KMT2C: variants seen among roughly 807,000 people sequenced by gnomAD.
KMT2C encodes the protein lysine methyltransferase 2C, also known as histone-lysine N-methyltransferase 2C.
In KMT2C, 88 loss-of-function variants were observed where a neutral mutation model predicts 507.9. That is an observed-to-expected ratio of 0.17 (90% CI 0.15 to 0.21). The LOEUF is 0.21. KMT2C is among the 10% of genes least tolerant of loss of function. The pLI is 1.00. For synonymous variants in KMT2C, 2,049 were observed against 2,080.8 expected, an observed-to-expected ratio of 0.98 and a Z score of 0.42; for missense variants, 4,954 against 5,957.8, an observed-to-expected ratio of 0.83 and a Z score of 5.55.
chr7:152,422,346 T>C (rs1401392808), intron 1 of KMT2C, among the ~76,000 whole-genome samples: 1 of 147,582 alleles, frequency 6.8e-6, no homozygotes, highest in Non-Finnish European at 1.5e-5. Flanking sequence ...TCACAGCTAC[T>C]AGGGAGGCTG....
intron 4 of KMT2C, 76 bp downstream of exon 4, chr7:152,315,062 A>T: frequency 7.7e-7 from 1 of 1,291,812 alleles, no homozygotes; most frequent in Non-Finnish European, 1.1e-6. Flanking sequence ...CCATTTGAAA[A>T]TTTATAAACA....
intron 1 of KMT2C, among the ~76,000 whole-genome samples, chr7:152,375,216 A>AT (rs2097319435): frequency 6.6e-6 from 1 of 151,508 alleles, no homozygotes; most frequent in African/African-American, 2.4e-5. Context: ...CTGATTTTTT[A>AT]TTTTTAGTAG....
intron 9 of KMT2C, among the ~76,000 whole-genome samples, chr7:152,253,514 CAA>C (rs71198770): frequency 8.6e-4 from 34 of 39,498 alleles, no homozygotes; most frequent in East Asian, 8.5e-3. Context: ...TCTTTCTCTA[CAA>C]AAAAAAAAAA....
At chr7:152,328,008 A>C (rs1359762203) in intron 3 of KMT2C, among the ~76,000 whole-genome samples, 1 of 151,964 alleles carries the variant, frequency 6.6e-6, no homozygotes, top group Non-Finnish European at 1.5e-5. Flanking sequence ...ACAGCACCTA[A>C]TCTCCGTCAG....
rs568485079 is a variant in KMT2C at position 152,415,281 on chromosome 7, A to C, written c.161+20345T>G. 2.0e-4 allele frequency among the ~76,000 whole-genome samples: 31 copies of C among 152,332 alleles called. 1 individual carries two copies. In the South Asian group the frequency reaches 6.2e-3, roughly 31 times the overall value. ...AGGAAATAGGAATGAACAAAAATAG[A>C]CATTAAATCAAATGATTTTACTTTC... On this transcript the variant is annotated intron_variant, in intron 1 of 58. Coordinates refer to ENST00000262189, the MANE Select transcript of KMT2C (RefSeq NM_170606.3).
intron 3 of KMT2C, among the ~76,000 whole-genome samples, chr7:152,325,868 G>A (rs1475112443): frequency 6.7e-6 from 1 of 149,614 alleles, no homozygotes; most frequent in African/African-American, 2.5e-5. Context: ...CACGTGTTAA[G>A]TCTATAAATT....
At chr7:152,239,030 TTTACA>T in intron 14 of KMT2C, 1 of 371,340 alleles carries the variant, frequency 2.7e-6, no homozygotes, top group Non-Finnish European at 5.0e-6. Flanking sequence ...GCTGCTACAA[TTTACA>T]TTAAATATTT....
chr7:152,398,301 T>A (rs149690069), intron 1 of KMT2C, among the ~76,000 whole-genome samples: 1 of 152,326 alleles, frequency 6.6e-6, no homozygotes, highest in East Asian at 1.9e-4. Flanking sequence ...GTGATTCATA[T>A]CTTTGGATAA....
At chr7:152,178,623 G>C (rs963502571) in intron 37 of KMT2C, among the ~76,000 whole-genome samples, 7 of 151,986 alleles carry the variant, frequency 4.6e-5, no homozygotes, top group African/African-American at 1.7e-4. Flanking sequence ...AGAATACAAA[G>C]CATAGCAAGA....
chr7:152,135,281 A>T lies in KMT2C; in HGVS notation c.*1551T>A, dbSNP rs2129087752. On this transcript the variant is annotated 3_prime_UTR_variant, in exon 59 of 59. Coordinates refer to ENST00000262189, the MANE Select transcript of KMT2C (RefSeq NM_170606.3). ...TACAGTCCACTTGAATTGTGCACAC[A>T]AAACTTCATTTTATACTTAGCCTGT... is the stretch of plus-strand genomic sequence containing the variant. 1 of 220,422 alleles carries T rather than the reference A, an allele frequency of 4.5e-6. No individual in the cohort carries two copies. The highest frequency in any genetic ancestry group is 5.8e-5 in the Admixed American group (1 of 17,314). The allele number at this position is 220,422 out of a possible 1,614,324, so 13.7% of individuals were successfully genotyped here.
At chr7:152,376,210 T>C (rs1317777313) in intron 1 of KMT2C, among the ~76,000 whole-genome samples, 1 of 152,170 alleles carries the variant, frequency 6.6e-6, no homozygotes, top group Admixed American at 6.5e-5. Flanking sequence ...CCATTCCCTA[T>C]CTCTCTTTCT....
At chr7:152,313,805 T>A (rs1368179589) in intron 4 of KMT2C, among the ~76,000 whole-genome samples, 1 of 152,102 alleles carries the variant, frequency 6.6e-6, no homozygotes, top group Non-Finnish European at 1.5e-5. Flanking sequence ...TATAAAGACT[T>A]TCGTTTAACA....
chr7:152,338,982 T>C (rs1242762895), intron 2 of KMT2C, among the ~76,000 whole-genome samples: 1 of 152,202 alleles, frequency 6.6e-6, no homozygotes, highest in Admixed American at 6.5e-5. Context: ...ATAAAGCATT[T>C]TGATTTTGAA....
rs1587943797 is a variant in KMT2C at position 152,176,509 on chromosome 7, C to A, written c.8944G>T (p.Val2982Phe). 6.2e-7 allele frequency: 1 copy of A among 1,614,122 alleles called. No individual in the cohort carries two copies. Among genetic ancestry groups the A allele is most frequent in the Non-Finnish European group, 8.5e-7 (1 of 1,180,020 alleles). The change falls in exon 38 of 59, where the codon GTT (valine) becomes TTT (phenylalanine). Residue 2982 changes from valine (V) to phenylalanine (F), a missense_variant. By Grantham distance (50) the Val-to-Phe change is conservative (BLOSUM62 -1). Around this residue, in one of 29 missense-constraint regions of KMT2C, gnomAD observed 1,689 missense variants for 1,654.3 expected, o/e 1.02. Transcript: ENST00000262189. Reference sequence around the variant, plus strand: ...TTTACCTGCACACCCTGAGAAAAAACATGGTTTACCCTAGAGACTACTGTC... The same window carrying A: ...TTTACCTGCACACCCTGAGAAAAAAAATGGTTTACCCTAGAGACTACTGTC... Reference protein sequence around the residue: ...NVTVVSRVNHVFSQGVQVNPG... With the variant: ...NVTVVSRVNHFFSQGVQVNPG...
In KMT2C at chr7:152,187,363, G is replaced by C. The variant is rs773744238; in HGVS notation, c.4907C>G (p.Thr1636Arg). ...NDTMSNAQRS[T>R]LKWEKEEALG... Reference sequence around the variant, plus strand: ...AGCCTCCTCTTTCTCCCACTTAAGCGTGCTTCTCTGGGCATTCGACATTGT... The same window carrying C: ...AGCCTCCTCTTTCTCCCACTTAAGCCTGCTTCTCTGGGCATTCGACATTGT... Residue 1636 changes from threonine (T) to arginine (R), a missense_variant, in exon 33 of 59, where the codon ACG becomes AGG. By Grantham distance (71) the Thr-to-Arg change is moderately conservative. Coordinates refer to ENST00000262189, the MANE Select transcript of KMT2C (RefSeq NM_170606.3). 3 of 1,613,992 alleles carry C rather than the reference G, an allele frequency of 1.9e-6. No individual in the cohort carries two copies. The highest frequency in any genetic ancestry group is 2.5e-6 in the Non-Finnish European group (3 of 1,179,900).
chr7:152,249,868 C>A lies in KMT2C; in HGVS notation c.1813+8G>T, dbSNP rs1013118059. 2.6e-6 allele frequency: 4 copies of A among 1,515,128 alleles called. No homozygotes were observed. In the African/African-American group the frequency reaches 5.5e-5, roughly 21 times the overall value. 93.9% of individuals were successfully genotyped at this position (1,515,128 alleles called of 1,614,324 possible). Reference sequence around the variant, plus strand: ...AATCAAATTAGACAATATGAACATACTGCTTACCAGCAATAAGAAGACTAT... The same window carrying A: ...AATCAAATTAGACAATATGAACATAATGCTTACCAGCAATAAGAAGACTAT... On this transcript the variant is annotated splice_region_variant and intron_variant, in intron 13 of 58. Coordinates refer to ENST00000262189, the MANE Select transcript of KMT2C (RefSeq NM_170606.3).
At chr7:152,213,079 A>G (rs1471104923) in intron 23 of KMT2C, among the ~76,000 whole-genome samples, 2 of 152,214 alleles carry the variant, frequency 1.3e-5, no homozygotes, top group South Asian at 2.1e-4. Context: ...AGACACAAAT[A>G]AATATAACGA....
chr7:152,326,619 G>T (rs977458417), intron 3 of KMT2C, among the ~76,000 whole-genome samples: 1 of 152,108 alleles, frequency 6.6e-6, no homozygotes, highest in African/African-American at 2.4e-5. Flanking sequence ...GGTGGCTCAC[G>T]CCTGTAATCC....
rs749090917 is a variant in KMT2C at position 152,224,196 on chromosome 7, C to G, written c.3159-17G>C. 2 of 1,591,380 alleles carry G rather than the reference C, an allele frequency of 1.3e-6. No individual in the cohort carries two copies. The highest frequency in any genetic ancestry group is 3.4e-5 in the Admixed American group (2 of 58,240). On this transcript the variant is annotated splice_polypyrimidine_tract_variant and intron_variant, in intron 19 of 58. Coordinates refer to ENST00000262189, the MANE Select transcript of KMT2C (RefSeq NM_170606.3). Reference sequence around the variant, plus strand: ...CAAACACACCTGAAATCCAAATCCCCCCGAAAAGTCTCAATTTTATTTTCT... The same window carrying G: ...CAAACACACCTGAAATCCAAATCCCGCCGAAAAGTCTCAATTTTATTTTCT...
Sources: gnomAD v4.1 joint callset for allele counts (sites outside exome capture counted in the v4.1 genomes callset) on GRCh38, gnomAD v4.1.1 for gene constraint, gnomAD v4.1.1 regional missense constraint, MANE v1.5 for transcripts, NCBI Gene and HGNC (gene_info 2026-07-23, HGNC 2026-07-21) for gene names.